The following YIPF7 variants were observed in gnomAD, a reference collection of about 807,000 sequenced individuals.
YIPF7 encodes protein YIPF7.
Under a neutral mutation model 27.2 loss-of-function variants are expected in YIPF7, and 35 were observed. That is an observed-to-expected ratio of 1.29 (90% CI 0.98 to 1.70). The LOEUF is 1.70. Ranked by LOEUF, YIPF7 falls within the 40% of genes most tolerant of loss-of-function variation. YIPF7 has a pLI of 0.00. For synonymous variants in YIPF7, 137 were observed against 110.4 expected (o/e 1.24, Z -1.51); for missense variants, 358 against 303.7 (o/e 1.18, Z -1.33).
upstream of YIPF7, among the ~76,000 whole-genome samples, chr4:44,655,567 G>T (rs1713864754): frequency 6.6e-6 from 1 of 151,920 alleles, no homozygotes; most frequent in Non-Finnish European, 1.5e-5. Flanking sequence ...AGAAAAATAT[G>T]TCATTATTTT....
At chr4:44,642,062 G>A (rs909828551) in intron 2 of YIPF7, among the ~76,000 whole-genome samples, 1 of 152,036 alleles carries the variant, frequency 6.6e-6, no homozygotes, top group Non-Finnish European at 1.5e-5. Flanking sequence ...GTCTAAGTAA[G>A]ACTATGTCAT....
intron 2 of YIPF7, among the ~76,000 whole-genome samples, chr4:44,657,658 G>C (rs563910019): frequency 6.6e-6 from 1 of 152,100 alleles, no homozygotes; most frequent in African/African-American, 2.4e-5. Flanking sequence ...TCTTTCCGTC[G>C]TGCACCAGGA....
intron 1 of YIPF7, 129 bp downstream of exon 1, chr4:44,651,425 T>G: frequency 2.1e-6 from 1 of 487,516 alleles, no homozygotes; most frequent in Non-Finnish European, 3.5e-6. Context: ...AGTAATTTAT[T>G]GAGAATACAC....
At chr4:44,629,768 C>T (rs7680094) in intron 3 of YIPF7, among the ~76,000 whole-genome samples, 149,128 of 152,264 alleles carry the variant, frequency 0.98, 73,115 homozygotes, top group East Asian at 1. Context: ...AATAATTTGG[C>T]TTCCAAAGAA....
intron 4 of YIPF7, among the ~76,000 whole-genome samples, chr4:44,626,763 C>CTTTTTTT (rs71190269): frequency 0.019 from 1,342 of 69,758 alleles, 284 homozygotes; most frequent in Non-Finnish European, 0.022. Context: ...ATTAGCACAT[C>CTTTTTTT]TTTTTTTTTT....
At chr4:44,637,741 C>A (rs1308535466) in intron 2 of YIPF7, among the ~76,000 whole-genome samples, 2 of 152,178 alleles carry the variant, frequency 1.3e-5, no homozygotes, top group African/African-American at 4.8e-5. Flanking sequence ...ATTCCTCACA[C>A]CCCTCCCATC....
intron 4 of YIPF7, among the ~76,000 whole-genome samples, chr4:44,626,602 T>C (rs901324375): frequency 1.1e-4 from 17 of 152,084 alleles, no homozygotes; most frequent in Non-Finnish European, 1.5e-5. Context: ...TGTTAGTTTG[T>C]CCCGTTTAAG....
exon 2 of YIPF7, chr4:44,660,554 C>T (rs1350528300): frequency 6.6e-6 from 1 of 152,170 alleles, no homozygotes; most frequent in African/African-American, 2.4e-5. Context: ...CCCAGCTGGT[C>T]GAGTCATCCC....
chr4:44,622,408 C>T lies in YIPF7; in HGVS notation c.*6G>A. 1.2e-6 allele frequency: 2 copies of T among 1,609,094 alleles called. No individual in the cohort carries two copies. Reference sequence around the variant, plus strand: ...CAGAGTCTTGAAATGCCATCTCAAACATTCTTTAGAAAATTGTTAGGAGGG... The same window carrying T: ...CAGAGTCTTGAAATGCCATCTCAAATATTCTTTAGAAAATTGTTAGGAGGG... On this transcript the variant is annotated 3_prime_UTR_variant, in exon 6 of 6. Transcript: ENST00000415895.
intron 4 of YIPF7, 124 bp downstream of exon 4, chr4:44,629,279 C>T (rs867488388): frequency 1.7e-6 from 2 of 1,194,282 alleles, no homozygotes; most frequent in East Asian, 3.1e-5. Context: ...TTAAATTATT[C>T]TCTCTCACTT....
chr4:44,623,382 G>A (rs1712508685), intron 5 of YIPF7, among the ~76,000 whole-genome samples: 1 of 152,156 alleles, frequency 6.6e-6, no homozygotes, highest in Non-Finnish European at 1.5e-5. Context: ...AAAGCATAAA[G>A]TGATGATAAA....
chr4:44,631,438 A>G (rs1314336965), intron 3 of YIPF7, among the ~76,000 whole-genome samples: 2 of 152,156 alleles, frequency 1.3e-5, no homozygotes, highest in Non-Finnish European at 2.9e-5. Context: ...TTTTCTGTAC[A>G]CAGACTACAA....
intron 5 of YIPF7, among the ~76,000 whole-genome samples, chr4:44,624,063 T>C (rs977499195): frequency 2.0e-5 from 3 of 150,674 alleles, no homozygotes; most frequent in African/African-American, 7.3e-5. Flanking sequence ...TCTCTCTCTT[T>C]TTTTTTTTTT....
At chr4:44,661,164 G>A (rs1714033371) in intron 1 of YIPF7, among the ~76,000 whole-genome samples, 1 of 152,138 alleles carries the variant, frequency 6.6e-6, no homozygotes, top group African/African-American at 2.4e-5. Context: ...GTAGAAAATG[G>A]CTTCAGCACA....
chr4:44,629,934 C>T (rs1712825279), intron 3 of YIPF7, among the ~76,000 whole-genome samples: 1 of 152,112 alleles, frequency 6.6e-6, no homozygotes, highest in Admixed American at 6.5e-5. Flanking sequence ...AACTTTCATC[C>T]TATTGTCCAT....
intron 2 of YIPF7, among the ~76,000 whole-genome samples, chr4:44,659,738 T>C (rs937570496): frequency 2.0e-5 from 3 of 152,136 alleles, no homozygotes; most frequent in Admixed American, 6.6e-5. Context: ...TAAAAAGCAC[T>C]ATAAAACGTC....
chr4:44,653,940 G>C (rs1057261411), upstream of YIPF7, among the ~76,000 whole-genome samples: 10 of 151,930 alleles, frequency 6.6e-5, no homozygotes, highest in East Asian at 1.7e-3. Context: ...AACTTATTTT[G>C]TGATGTTGTA....
intron 2 of YIPF7, among the ~76,000 whole-genome samples, chr4:44,642,118 A>G (rs1397920147): frequency 2.0e-5 from 3 of 152,176 alleles, no homozygotes; most frequent in African/African-American, 7.2e-5. Context: ...AGGTGCTACT[A>G]ATCAGGCTTG....
At chr4:44,653,565 G>A (rs937409178), upstream of YIPF7, among the ~76,000 whole-genome samples, 1 of 152,046 alleles carries the variant, frequency 6.6e-6, no homozygotes, top group Non-Finnish European at 1.5e-5. Context: ...CTGAGGAAGG[G>A]CCAACCAATA....
Sources: allele counts gnomAD v4.1 joint callset (sites outside exome capture counted in the v4.1 genomes callset), GRCh38; gene constraint gnomAD v4.1.1; transcripts MANE v1.5; gene names NCBI Gene and HGNC (gene_info 2026-07-23, HGNC 2026-07-21).